The following IL1RAPL1 variants were observed in gnomAD, a reference collection of about 807,000 sequenced individuals.
IL1RAPL1 encodes the protein interleukin-1 receptor accessory protein-like 1.
A neutral mutation model predicts 48.4 loss-of-function variants in IL1RAPL1; 3 were observed. The observed-to-expected ratio is 0.06, with a 90% confidence interval of 0.03 to 0.16. The LOEUF (loss-of-function observed/expected upper bound fraction) is 0.16, where lower values mean the gene tolerates loss of function less well. IL1RAPL1 is among the 10% of genes least tolerant of loss of function. The pLI, the probability that IL1RAPL1 is intolerant of heterozygous loss-of-function variation, is 1.00. For missense variants in IL1RAPL1, 349 were observed against 530.6 expected (o/e 0.66, Z 3.36); for synonymous variants, 185 against 187.7 (o/e 0.99, Z 0.12).
At chrX:29,654,833 C>T (rs58647407) in intron 5 of IL1RAPL1, among the ~76,000 whole-genome samples, 9,558 of 111,635 alleles carry the variant, frequency 0.086, 336 homozygotes, top group Middle Eastern at 0.21. Context: ...TATGCAAATA[C>T]GAATTTTTTT....
intron 6 of IL1RAPL1, among the ~76,000 whole-genome samples, chrX:29,713,631 A>C: frequency 9.0e-6 from 1 of 111,538 alleles, no homozygotes. Flanking sequence ...CAAGCCCTTC[A>C]GGTGACTGTG....
At chrX:29,406,140 A>C (rs1934063647) in intron 5 of IL1RAPL1, among the ~76,000 whole-genome samples, 1 of 111,788 alleles carries the variant, frequency 8.9e-6, no homozygotes, top group South Asian at 3.7e-4. Context: ...CTATAATCCC[A>C]GCACTTTGGG....
At chrX:29,140,594 A>C (rs1230628452) in intron 2 of IL1RAPL1, among the ~76,000 whole-genome samples, 1 of 112,228 alleles carries the variant, frequency 8.9e-6, no homozygotes, top group East Asian at 2.8e-4. Flanking sequence ...TCTGTGTAAG[A>C]ATCTGTTAAA....
At chrX:29,583,132 G>C (rs1021190428) in intron 5 of IL1RAPL1, among the ~76,000 whole-genome samples, 1 of 103,412 alleles carries the variant, frequency 9.7e-6, no homozygotes, top group African/African-American at 3.6e-5. Context: ...GCAAAAACTG[G>C]AAGCATTCCC....
At chrX:28,849,462 G>T (rs1256511500) in intron 2 of IL1RAPL1, among the ~76,000 whole-genome samples, 1 of 111,650 alleles carries the variant, frequency 9.0e-6, no homozygotes, top group Non-Finnish European at 1.9e-5. Context: ...TCATATGAAA[G>T]ATACTTTAAA....
At chrX:29,325,498 T>C (rs887665765) in intron 3 of IL1RAPL1, among the ~76,000 whole-genome samples, 2 of 112,543 alleles carry the variant, frequency 1.8e-5, no homozygotes, top group East Asian at 5.6e-4. Flanking sequence ...TTCTACTTAC[T>C]TGACAATTTT....
At position 29,261,630 on chromosome X, in the gene IL1RAPL1, A is replaced by G. The variant is rs906592303; in HGVS notation, c.83-21308A>G. ...CATTTAGAATAAAATCCACCTTTTT[A>G]AAAAAATATAATCTACATGCTGCCC... is the stretch of plus-strand genomic sequence containing the variant. On this transcript the variant is annotated intron_variant, in intron 2 of 10. Transcript: ENST00000378993. 2.7e-5 allele frequency among the ~76,000 whole-genome samples: 3 copies of G among 110,936 alleles called. No homozygotes were observed. In the East Asian group the frequency reaches 8.4e-4, roughly 31 times the overall value.
intron 6 of IL1RAPL1, among the ~76,000 whole-genome samples, chrX:29,916,884 G>A (rs1182455346): frequency 1.8e-5 from 2 of 111,589 alleles, no homozygotes; most frequent in Non-Finnish European, 3.8e-5. Context: ...TTATTGTCAC[G>A]ATTTTTGTTT....
At chrX:29,360,439 A>C (rs1317992973) in intron 3 of IL1RAPL1, among the ~76,000 whole-genome samples, 1 of 112,166 alleles carries the variant, frequency 8.9e-6, no homozygotes, top group Non-Finnish European at 1.9e-5. Flanking sequence ...ATTTATTTGA[A>C]TTATTTTTGA....
chrX:28,881,826 T>C (rs996111260), intron 2 of IL1RAPL1, among the ~76,000 whole-genome samples: 1 of 111,019 alleles, frequency 9.0e-6, no homozygotes, highest in Non-Finnish European at 1.9e-5. Flanking sequence ...TTTAAAATTA[T>C]CAGGTCAGAG....
intron 6 of IL1RAPL1, among the ~76,000 whole-genome samples, chrX:29,782,096 GTCTGTCTATCTATCTATCTATCTA>G (rs1383573269): frequency 1.1e-5 from 1 of 90,465 alleles, no homozygotes; most frequent in Non-Finnish European, 2.2e-5. Context: ...CTGTCTGTCT[GTCTGTCTATCTATCTATCTATCTA>G]TCTATCTATC....
chrX:29,412,730 A>C (rs1934160259), intron 5 of IL1RAPL1, among the ~76,000 whole-genome samples: 1 of 111,978 alleles, frequency 8.9e-6, no homozygotes, highest in Non-Finnish European at 1.9e-5. Context: ...CAAGCATCTA[A>C]GGGTTGTCTT....
intron 1 of IL1RAPL1, among the ~76,000 whole-genome samples, chrX:28,738,280 T>C (rs1210514238): frequency 1.8e-5 from 2 of 112,177 alleles, no homozygotes; most frequent in Admixed American, 1.9e-4. Context: ...TTTAGAAATC[T>C]ACTTCATGTT....
In IL1RAPL1 at chrX:29,019,270, A is replaced by T. The variant is rs1330538006; in HGVS notation, c.82+229845A>T. On this transcript the variant is annotated intron_variant, in intron 2 of 10. Coordinates refer to ENST00000378993, the MANE Select transcript of IL1RAPL1 (RefSeq NM_014271.4). Reference sequence around the variant, plus strand: ...TCCACATCAATTTCTTTTTGGAATGATGAAAATGTTCTGGAATTAGATAGT... The same window carrying T: ...TCCACATCAATTTCTTTTTGGAATGTTGAAAATGTTCTGGAATTAGATAGT... 4.5e-5 allele frequency among the ~76,000 whole-genome samples: 5 copies of T among 111,838 alleles called. No homozygotes were observed. The East Asian group carries it at 1.4e-3, about 31-fold the overall frequency.
intron 7 of IL1RAPL1, among the ~76,000 whole-genome samples, chrX:29,918,361 C>T (rs1367356054): frequency 2.0e-5 from 2 of 100,692 alleles, no homozygotes; most frequent in South Asian, 4.8e-4. Flanking sequence ...CAAAATTAGC[C>T]GGGCATGGTG....
intron 2 of IL1RAPL1, among the ~76,000 whole-genome samples, chrX:29,088,492 A>G (rs1172592298): frequency 2.8e-5 from 3 of 108,979 alleles, no homozygotes; most frequent in Non-Finnish European, 5.7e-5. Flanking sequence ...CCTGGCCAAC[A>G]TGGTGAAACC....
chrX:29,372,941 G>GT (rs1047880799), intron 3 of IL1RAPL1, among the ~76,000 whole-genome samples: 2 of 110,205 alleles, frequency 1.8e-5, no homozygotes, highest in Admixed American at 1.9e-4. Flanking sequence ...TTTTAGAATC[G>GT]TTTTTCTAAT....
chrX:29,773,383 G>A (rs1381934673), intron 6 of IL1RAPL1, among the ~76,000 whole-genome samples: 1 of 112,092 alleles, frequency 8.9e-6, no homozygotes, highest in Non-Finnish European at 1.9e-5. Context: ...TCTGTAGCTT[G>A]GAAATTTGTC....
intron 3 of IL1RAPL1, among the ~76,000 whole-genome samples, chrX:29,374,519 T>C (rs1405832369): frequency 3.7e-5 from 4 of 109,413 alleles, no homozygotes; most frequent in Non-Finnish European, 7.6e-5. Context: ...TTAATCTTGC[T>C]TTTGGCCGCA....
Sources: allele counts gnomAD v4.1 joint callset (sites outside exome capture counted in the v4.1 genomes callset), GRCh38; gene constraint gnomAD v4.1.1; transcripts MANE v1.5; gene names NCBI Gene and HGNC (gene_info 2026-07-23, HGNC 2026-07-21).